Variants in NR2F1 observed in about 807,000 individuals in gnomAD.
NR2F1 encodes the protein nuclear receptor subfamily 2 group F member 1, also known as COUP transcription factor 1.
Under a neutral mutation model 37.7 loss-of-function variants are expected in NR2F1, and 1 was observed. The observed-to-expected ratio is 0.03, with a 90% CI of 0.01 to 0.13. The LOEUF (loss-of-function observed/expected upper bound fraction) is 0.13, where lower values mean the gene tolerates loss of function less well. Ranked by LOEUF, NR2F1 falls within the 10% of genes least tolerant of loss-of-function variation. The pLI is 1.00. For synonymous variants in NR2F1, 275 were observed against 259.6 expected (o/e 1.06, Z -0.57); for missense variants, 268 against 578.4 (o/e 0.46, Z 5.50).
chr5:93,592,389 T>C (rs1416663654), intron 2 of NR2F1, among the ~76,000 whole-genome samples: 2 of 152,134 alleles, frequency 1.3e-5, no homozygotes, highest in Admixed American at 6.5e-5. Context: ...TAATATTTAT[T>C]ATTAATATAA....
chr5:93,588,315 T>C lies in NR2F1; in HGVS notation c.862T>C (p.Ser288Pro). The change falls in exon 2 of 3, where the codon TCT becomes CCT. Residue 288 changes from serine (S) to proline (P), a missense_variant. Ser to Pro is a moderately conservative substitution (Grantham distance 74). This residue lies in a region of NR2F1 where 99 missense variants were observed against 191.9 expected (regional missense o/e 0.52). Coordinates refer to ENST00000327111, the MANE Select transcript of NR2F1 (RefSeq NM_005654.6). ...CGCCGGCCTGCATGCCTCGCCCATG[T>C]CTGCCGACCGCGTCGTGGCCTTCAT... ...AAAGLHASPMSADRVVAFMDH... is the reference protein window; with the variant it reads ...AAAGLHASPMPADRVVAFMDH... 6.2e-7 allele frequency: 1 copy of C among 1,613,320 alleles called. No homozygotes were observed. Among genetic ancestry groups the C allele is most frequent in the Non-Finnish European group, 8.5e-7 (1 of 1,179,856 alleles).
At chr5:93,590,098 ACCAGGCTG>A (rs1172657332) in intron 2 of NR2F1, among the ~76,000 whole-genome samples, 4 of 152,238 alleles carry the variant, frequency 2.6e-5, no homozygotes, top group Non-Finnish European at 5.9e-5. Context: ...GGAAGCAGCA[ACCAGGCTG>A]CCTCAGCTCT....
Position 93,588,415 on chromosome 5 carries a change from G to T in NR2F1, c.962G>T (p.Cys321Phe), listed in dbSNP as rs149919156. ...CACGTCGACTCAGCCGAGTACAGCTGCCTCAAAGCCATCGTGCTGTTCACG... is the reference window on the plus strand; with the variant it reads ...CACGTCGACTCAGCCGAGTACAGCTTCCTCAAAGCCATCGTGCTGTTCACG... ...ALHVDSAEYS[C>F]LKAIVLFTSD... The change falls in exon 2 of 3, where the codon TGC becomes TTC. Residue 321 changes from cysteine to phenylalanine, a missense_variant. This residue lies in a region of NR2F1 where 99 missense variants were observed against 191.9 expected (regional missense o/e 0.52). Coordinates refer to ENST00000327111, the MANE Select transcript of NR2F1 (RefSeq NM_005654.6). 6.2e-7 allele frequency: 1 copy of T among 1,610,604 alleles called. No homozygotes were observed. Among genetic ancestry groups the T allele is most frequent in the Non-Finnish European group, 8.5e-7 (1 of 1,178,366 alleles).
intron 2 of NR2F1, among the ~76,000 whole-genome samples, chr5:93,591,256 T>C (rs1374470883): frequency 6.6e-6 from 1 of 152,226 alleles, no homozygotes; most frequent in Non-Finnish European, 1.5e-5. Context: ...CATTTTCTTA[T>C]CTGGGGTATA....
At chr5:93,591,237 A>G (rs544143573) in intron 2 of NR2F1, among the ~76,000 whole-genome samples, 12 of 152,342 alleles carry the variant, frequency 7.9e-5, no homozygotes, top group South Asian at 4.1e-4. Context: ...GATTTTGCAC[A>G]TTCTGCCTCA....
Position 93,588,425 on chromosome 5 carries a change from C to A in NR2F1, c.972C>A (p.Ala324=). The stretch of plus-strand genomic sequence containing the variant: ...CAGCCGAGTACAGCTGCCTCAAAGC[C>A]ATCGTGCTGTTCACGTCAGGTGAGG... ...VDSAEYSCLK[A]IVLFTSDACG... Residue 324 remains alanine (A), a synonymous_variant, in exon 2 of 3, where the codon GCC becomes GCA. Transcript: ENST00000327111. 1 of 1,608,814 alleles carries A rather than the reference C, an allele frequency of 6.2e-7. No homozygotes were observed. The highest frequency in any genetic ancestry group is 8.5e-7 in the Non-Finnish European group (1 of 1,177,128).
intron 1 of NR2F1, among the ~76,000 whole-genome samples, chr5:93,586,161 G>A (rs891060927): frequency 2.0e-5 from 3 of 152,112 alleles, no homozygotes; most frequent in Non-Finnish European, 4.4e-5. Flanking sequence ...CTGTGGCCTT[G>A]TTTTCACCCC....
At chr5:93,586,075 AG>A (rs1297512258) in intron 1 of NR2F1, among the ~76,000 whole-genome samples, 1 of 151,978 alleles carries the variant, frequency 6.6e-6, no homozygotes, top group Non-Finnish European at 1.5e-5. Context: ...AGGTCTAATT[AG>A]GGGGGAAGGG....
intron 2 of NR2F1, among the ~76,000 whole-genome samples, chr5:93,588,654 C>A (rs1245324059): frequency 6.6e-6 from 1 of 150,670 alleles, no homozygotes; most frequent in South Asian, 2.1e-4. Flanking sequence ...GGTGCGGGAA[C>A]CGAGGCGGCG....
chr5:93,584,439 G>A lies in NR2F1; in HGVS notation c.-585G>A, dbSNP rs1219109961. 1 of 149,146 alleles carries A rather than the reference G, an allele frequency of 6.7e-6. No individual in the cohort carries two copies. The highest frequency in any genetic ancestry group is 2.4e-5 in the African/African-American group (1 of 40,952). 9.2% of individuals were successfully genotyped at this position (149,146 alleles called of 1,614,324 possible). The stretch of plus-strand genomic sequence containing the variant: ...CCGGCGCGGGTGAGCGACTGTGTGT[G>A]CGAGTGTGTGTGTGCGCGGGGGTGC... On this transcript the variant is annotated 5_prime_UTR_variant, in exon 1 of 3. Transcript: ENST00000327111.
In NR2F1 at chr5:93,584,148, T is replaced by C. The variant is rs2149940661; in HGVS notation, c.-876T>C. On this transcript the variant is annotated 5_prime_UTR_variant, in exon 1 of 3. Coordinates refer to ENST00000327111, the MANE Select transcript of NR2F1 (RefSeq NM_005654.6). ...CCGCACTCCCGAGCCCGGCGAGGGC[T>C]CCCGCCGGGACAGCGGCGGCGCCGC... 6.7e-6 allele frequency: 1 copy of C among 149,472 alleles called. No homozygotes were observed. Among genetic ancestry groups the C allele is most frequent in the Non-Finnish European group, 1.5e-5 (1 of 67,182 alleles). 9.3% of individuals were successfully genotyped at this position (149,472 alleles called of 1,614,324 possible). A position where few individuals can be genotyped will look rare whatever the true frequency, so the allele number is the denominator to read the frequency against.
rs540024405 is a variant in NR2F1, at chr5:93,592,371, T to G, written c.992-1191T>G. Among the ~76,000 whole-genome samples the G allele has an allele frequency of 2.6e-3, 388 of 150,634 alleles. 5 individuals carry two copies. The highest frequency in any genetic ancestry group is 0.022 in the South Asian group (105 of 4,780). On this transcript the variant is annotated intron_variant, in intron 2 of 2. Transcript: ENST00000327111. The stretch of plus-strand genomic sequence containing the variant: ...AAGGGCTCCTCTGTGATCTTACTGG[T>G]TTTTTTTTAATATTTATTATTAATA...
chr5:93,585,114 C>CGCGGCG lies in NR2F1; in HGVS notation c.104_109dup (p.Gly35_Gly36dup), dbSNP rs954495672. 42 of 987,390 alleles carry CGCGGCG rather than the reference C, an allele frequency of 4.3e-5. No homozygotes were observed. The highest frequency in any genetic ancestry group is 4.6e-5 in the South Asian group (1 of 21,910). The allele number at this position is 987,390 out of a possible 1,614,324, so 61.2% of individuals were successfully genotyped here. On this transcript the variant is annotated inframe_insertion, in exon 1 of 3. Transcript: ENST00000327111. ...CCCCAACCCCGCAGCGCAGGCGGCCCGCGGCGGCGGCGGCGGCGCCGGCGA... is the reference window on the plus strand; with the variant it reads ...CCCCAACCCCGCAGCGCAGGCGGCCCGCGGCGGCGGCGGCGGCGGCGGCGCCGGCGA...
rs542727523 is a variant in NR2F1 at position 93,587,835 on chromosome 5, T to C, written c.464-82T>C. The C allele has an allele frequency of 5.8e-4, 810 of 1,399,422 alleles. 3 individuals are homozygous for C. Among genetic ancestry groups the C allele is most frequent in the Admixed American group, 7.1e-4 (32 of 44,866 alleles). 86.7% of individuals were successfully genotyped at this position (1,399,422 alleles called of 1,614,324 possible). ...GTGGCTGCGGGAAGAGCTTCTGCAT[T>C]GTGTTGGGTACGCTGCGGCGCGGCA... is the stretch of plus-strand genomic sequence containing the variant. On this transcript the variant is annotated intron_variant, in intron 1 of 2. Transcript: ENST00000327111.
rs967866154 is a variant in NR2F1 at position 93,594,002 on chromosome 5, T to C, written c.*160T>C. The C allele has an allele frequency of 6.4e-6, 4 of 620,516 alleles. No homozygotes were observed. The Admixed American group carries it at 9.1e-5, about 14-fold the overall frequency. The allele number at this position is 620,516 out of a possible 1,614,324, so 38.4% of individuals were successfully genotyped here. A position where few individuals can be genotyped will look rare whatever the true frequency, so the allele number is the denominator to read the frequency against. On this transcript the variant is annotated 3_prime_UTR_variant, in exon 3 of 3. Transcript: ENST00000327111. The stretch of plus-strand genomic sequence containing the variant: ...ACAGGAGCAGCCCACCCAGCAGAAA[T>C]ACAATCCGAGCTACAAAGCATGGGA...
chr5:93,584,354 T>G lies in NR2F1; in HGVS notation c.-670T>G, dbSNP rs1753185730. 1 of 149,450 alleles carries G rather than the reference T, an allele frequency of 6.7e-6. No individual in the cohort carries two copies. The highest frequency in any genetic ancestry group is 1.9e-4 in the East Asian group (1 of 5,132). The allele number at this position is 149,450 out of a possible 1,614,324, so 9.3% of individuals were successfully genotyped here. A position where few individuals can be genotyped will look rare whatever the true frequency, so the allele number is the denominator to read the frequency against. ...GCCGCCGCCTCCGCCCTCGCCGGCTTCCTCTATGTCGGCTCAGCCCGCGCG... is the reference window on the plus strand; with the variant it reads ...GCCGCCGCCTCCGCCCTCGCCGGCTGCCTCTATGTCGGCTCAGCCCGCGCG... On this transcript the variant is annotated 5_prime_UTR_variant, in exon 1 of 3. Transcript: ENST00000327111.
intron 1 of NR2F1, chr5:93,586,990 T>G (rs911205641): frequency 6.6e-6 from 1 of 151,678 alleles, no homozygotes; most frequent in African/African-American, 2.4e-5. Context: ...TGTCTTTGTT[T>G]ATATGGCAAT....
Position 93,588,023 on chromosome 5 carries a change from G to C in NR2F1, c.570G>C (p.Ser190=). 2 of 1,613,982 alleles carry C rather than the reference G, an allele frequency of 1.2e-6. No homozygotes were observed. Among genetic ancestry groups the C allele is most frequent in the Non-Finnish European group, 1.7e-6 (2 of 1,179,994 alleles). ...NGHCYLSGYI[S]LLLRAEPYPT... ...ACTGCTACCTGTCCGGCTACATCTC[G>C]CTGCTGCTGCGCGCCGAGCCCTACC... The change falls in exon 2 of 3, where the codon TCG becomes TCC. Residue 190 remains serine (S), a synonymous_variant. Transcript: ENST00000327111.
intron 1 of NR2F1, chr5:93,585,761 T>C: frequency 2.0e-6 from 1 of 489,250 alleles, no homozygotes. Flanking sequence ...GATCGTGAGC[T>C]GTGGCTTAAA....
Sources: allele counts gnomAD v4.1 joint callset (sites outside exome capture counted in the v4.1 genomes callset), GRCh38; gene constraint gnomAD v4.1.1; regional missense constraint gnomAD v4.1.1; transcripts MANE v1.5; gene names NCBI Gene and HGNC (gene_info 2026-07-23, HGNC 2026-07-21).